The following SPATA17 variants were observed in gnomAD, a reference collection of about 807,000 sequenced individuals.
The protein encoded by SPATA17 is spermatogenesis-associated protein 17.
SPATA17 carries 53 observed loss-of-function variants against 62.2 expected under a neutral mutation model. The observed-to-expected ratio is 0.85, with a 90% CI of 0.68 to 1.07. SPATA17 has a LOEUF of 1.07. Among genes scored for constraint, SPATA17 ranks in the 50% least tolerant of loss-of-function variants. The pLI, the probability that SPATA17 is intolerant of heterozygous loss-of-function variation, is 0.00. For missense variants in SPATA17, 466 were observed against 425.5 expected (o/e 1.10, Z -0.84); for synonymous variants, 146 against 146.8 (o/e 0.99, Z 0.04).
intron 9 of SPATA17, among the ~76,000 whole-genome samples, chr1:217,818,481 T>G (rs1674776745): frequency 6.6e-6 from 1 of 152,080 alleles, no homozygotes; most frequent in African/African-American, 2.4e-5. Flanking sequence ...TAAAAACCTG[T>G]ACATGTTACT....
At chr1:217,687,633 C>A (rs943239106) in intron 5 of SPATA17, among the ~76,000 whole-genome samples, 4 of 152,094 alleles carry the variant, frequency 2.6e-5, no homozygotes, top group African/African-American at 9.7e-5. Flanking sequence ...AGCCTCGGAG[C>A]CAGAAGCTAT....
chr1:217,852,860 T>C (rs1675696593), intron 9 of SPATA17, among the ~76,000 whole-genome samples: 1 of 152,150 alleles, frequency 6.6e-6, no homozygotes, highest in Non-Finnish European at 1.5e-5. Context: ...AGAGTAGCCT[T>C]TCCTGACCAC....
intron 5 of SPATA17, among the ~76,000 whole-genome samples, chr1:217,726,321 T>C (rs1417483424): frequency 6.6e-6 from 1 of 152,216 alleles, no homozygotes; most frequent in Non-Finnish European, 1.5e-5. Context: ...GTTGACCTTA[T>C]TCAAAAGCTC....
intron 5 of SPATA17, among the ~76,000 whole-genome samples, chr1:217,711,300 G>T (rs759736348): frequency 6.6e-6 from 1 of 152,022 alleles, no homozygotes; most frequent in South Asian, 2.1e-4. Context: ...TTCCCACCCC[G>T]CACTGCCAAG....
At chr1:217,815,612 TG>T (rs1293224361) in intron 9 of SPATA17, among the ~76,000 whole-genome samples, 2 of 152,196 alleles carry the variant, frequency 1.3e-5, no homozygotes, top group Non-Finnish European at 2.9e-5. Context: ...TAGGTGACGT[TG>T]TGAAGGTGTT....
Position 217,703,174 on chromosome 1 carries a change from C to CTTTTTTTTTTTTTTTTTTT in SPATA17, c.395+19827_395+19828insTTTTTTTTTTTTTTTTTTT, listed in dbSNP as rs1203063860. Among the ~76,000 whole-genome samples, 10 of 105,508 alleles carry CTTTTTTTTTTTTTTTTTTT rather than the reference C, an allele frequency of 9.5e-5. 2 individuals are homozygous for CTTTTTTTTTTTTTTTTTTT. Among genetic ancestry groups the CTTTTTTTTTTTTTTTTTTT allele is most frequent in the African/African-American group, 2.0e-4 (5 of 25,634 alleles). 69.2% of individuals were successfully genotyped at this position (105,508 alleles called of 152,430 possible). On this transcript the variant is annotated intron_variant, in intron 5 of 10. Transcript: ENST00000366933. ...ACAGGCGTGAGCCATTGCGCTCGGC[C>CTTTTTTTTTTTTTTTTTTT]TTTTTTTTTTTTTTGAAATGGAGTC... is the stretch of plus-strand genomic sequence containing the variant.
At chr1:217,788,000 A>G (rs1673910590) in intron 8 of SPATA17, among the ~76,000 whole-genome samples, 1 of 152,156 alleles carries the variant, frequency 6.6e-6, no homozygotes, top group South Asian at 2.1e-4. Flanking sequence ...GCTTAGATGA[A>G]ATGGGGAAAA....
chr1:217,640,351 A>G (rs1455825747), intron 1 of SPATA17, among the ~76,000 whole-genome samples: 2 of 152,142 alleles, frequency 1.3e-5, no homozygotes, highest in African/African-American at 4.8e-5. Context: ...TATACCACAT[A>G]CAAAAAAGGA....
At chr1:217,654,112 G>T (rs1220898149) in intron 3 of SPATA17, among the ~76,000 whole-genome samples, 4 of 149,894 alleles carry the variant, frequency 2.7e-5, no homozygotes, top group Admixed American at 2.7e-4. Context: ...TTTGACATAT[G>T]ATTTTTATTT....
intron 5 of SPATA17, among the ~76,000 whole-genome samples, chr1:217,689,566 T>C (rs1481126785): frequency 6.6e-6 from 1 of 152,056 alleles, no homozygotes; most frequent in Non-Finnish European, 1.5e-5. Flanking sequence ...TGAGAACTAT[T>C]AACAGGCAAG....
At chr1:217,785,382 T>C (rs574123026) in intron 8 of SPATA17, among the ~76,000 whole-genome samples, 12 of 152,208 alleles carry the variant, frequency 7.9e-5, no homozygotes, top group African/African-American at 2.2e-4. Context: ...GCTAGGAGAC[T>C]TCAGGAAACT....
chr1:217,655,109 G>A (rs1304621833), intron 3 of SPATA17, among the ~76,000 whole-genome samples: 1 of 152,116 alleles, frequency 6.6e-6, no homozygotes, highest in African/African-American at 2.4e-5. Flanking sequence ...GATTGTACCA[G>A]TAATGTCATT....
chr1:217,713,783 C>A (rs1402114951), intron 5 of SPATA17, among the ~76,000 whole-genome samples: 1 of 152,162 alleles, frequency 6.6e-6, no homozygotes, highest in East Asian at 1.9e-4. Flanking sequence ...AAAATTGTAG[C>A]AAAACTGCGA....
intron 1 of SPATA17, among the ~76,000 whole-genome samples, chr1:217,632,199 AAT>A (rs1194107228): frequency 6.7e-6 from 1 of 149,648 alleles, no homozygotes; most frequent in African/African-American, 2.5e-5. Context: ...TAAATAAATA[AAT>A]ATAAATAAAA....
Position 217,720,716 on chromosome 1 carries a change from T to G in SPATA17, c.396-21259T>G, listed in dbSNP as rs534261230. 2.6e-5 allele frequency among the ~76,000 whole-genome samples: 4 copies of G among 152,328 alleles called. No homozygotes were observed. In the East Asian group the frequency reaches 7.7e-4, roughly 29 times the overall value. ...CAAAAACATACAGGATTATAATTTG[T>G]ATATTATAAGAGAGAAATCTAGAGA... is the stretch of plus-strand genomic sequence containing the variant. On this transcript the variant is annotated intron_variant, in intron 5 of 10. Coordinates refer to ENST00000366933, the MANE Select transcript of SPATA17 (RefSeq NM_138796.4).
chr1:217,642,909 C>CT (rs1670097637), intron 1 of SPATA17, among the ~76,000 whole-genome samples: 2 of 152,220 alleles, frequency 1.3e-5, no homozygotes, highest in South Asian at 4.2e-4. Flanking sequence ...ATAACAGAGG[C>CT]TTATCTTGTA....
At chr1:217,851,123 T>C (rs776331790) in intron 9 of SPATA17, among the ~76,000 whole-genome samples, 7 of 152,188 alleles carry the variant, frequency 4.6e-5, no homozygotes, top group Non-Finnish European at 4.4e-5. Flanking sequence ...TTTACTTCTG[T>C]TACTAGTGAA....
In SPATA17 at chr1:217,801,714, T is replaced by G; in HGVS notation, c.873-4T>G. On this transcript the variant is annotated splice_region_variant and splice_polypyrimidine_tract_variant and intron_variant, in intron 8 of 10. Coordinates refer to ENST00000366933, the MANE Select transcript of SPATA17 (RefSeq NM_138796.4). ...TAAGAATAGCTCTTAAATATTTCTT[T>G]CAGGTTTTTGCCATTTTCTTCATAC... 1.3e-6 allele frequency: 2 copies of G among 1,588,446 alleles called. No homozygotes were observed. The highest frequency in any genetic ancestry group is 1.7e-6 in the Non-Finnish European group (2 of 1,171,504).
At chr1:217,764,137 G>A (rs1343071124) in intron 6 of SPATA17, among the ~76,000 whole-genome samples, 4 of 152,068 alleles carry the variant, frequency 2.6e-5, no homozygotes, top group Non-Finnish European at 5.9e-5. Context: ...TCCTGATGCT[G>A]TATGTTCTAT....
Sources: allele counts gnomAD v4.1 joint callset (sites outside exome capture counted in the v4.1 genomes callset), GRCh38; gene constraint gnomAD v4.1.1; transcripts MANE v1.5; gene names NCBI Gene and HGNC (gene_info 2026-07-23, HGNC 2026-07-21).